FRMD6: variants seen among roughly 807,000 people sequenced by gnomAD.
FRMD6 encodes FERM domain containing 6, also known as FERM domain-containing protein 6.
A neutral mutation model predicts 73.2 loss-of-function variants in FRMD6; 37 were observed. That is an observed-to-expected ratio of 0.51 (90% CI 0.39 to 0.66). The LOEUF (loss-of-function observed/expected upper bound fraction) is 0.66. Among genes scored for constraint, FRMD6 ranks in the 30% least tolerant of loss-of-function variants. FRMD6 has a pLI of 0.00. For synonymous variants in FRMD6, 273 were observed against 282.2 expected (o/e 0.97, Z 0.33); for missense variants, 714 against 780.5 (o/e 0.91, Z 1.02).
chr14:51,491,090 T>G (rs1177170403), intron 1 of FRMD6, among the ~76,000 whole-genome samples: 1 of 152,170 alleles, frequency 6.6e-6, no homozygotes, highest in Non-Finnish European at 1.5e-5. Context: ...CCCTTCCCCT[T>G]TGGAAGACTC....
intron 1 of FRMD6, among the ~76,000 whole-genome samples, chr14:51,524,413 C>A (rs529510259): frequency 6.6e-6 from 1 of 151,868 alleles, no homozygotes; most frequent in East Asian, 1.9e-4. Flanking sequence ...TATGCATGAC[C>A]TTAGTAGGTG....
chr14:51,489,378 A>T (rs954616066), exon 1 of FRMD6: 1 of 152,650 alleles, frequency 6.6e-6, no homozygotes, highest in African/African-American at 2.4e-5. Context: ...AGTCTGCCCC[A>T]TTCTGAGAGC....
intron 1 of FRMD6, among the ~76,000 whole-genome samples, chr14:51,541,830 C>CCTGGAGTTG (rs1478364613): frequency 6.6e-6 from 1 of 151,922 alleles, no homozygotes; most frequent in Non-Finnish European, 1.5e-5. Context: ...GTAACTAGGC[C>CCTGGAGTTG]CTGGAGTTGT....
upstream of FRMD6, chr14:51,651,644 A>G (rs1238099031): frequency 6.7e-6 from 1 of 148,892 alleles, no homozygotes; most frequent in Non-Finnish European, 1.5e-5. Context: ...GGGGTGGCGT[A>G]CTCCGCTTTC....
intron 5 of FRMD6, chr14:51,704,525 T>C (rs1453811237): frequency 2.1e-6 from 1 of 478,262 alleles, no homozygotes; most frequent in African/African-American, 1.9e-5. Context: ...GGAAACGTTA[T>C]TTTTATTGTC....
chr14:51,569,917 G>A (rs538387336), intron 1 of FRMD6, among the ~76,000 whole-genome samples: 11 of 151,866 alleles, frequency 7.2e-5, no homozygotes, highest in Admixed American at 4.6e-4. Flanking sequence ...CTGGGTTCAC[G>A]CCATTCTCCT....
intron 1 of FRMD6, among the ~76,000 whole-genome samples, chr14:51,505,578 A>G (rs190627027): frequency 3.8e-4 from 58 of 152,286 alleles, no homozygotes; most frequent in African/African-American, 8.4e-4. Context: ...TGACTCCTAC[A>G]TCTGTATTCA....
intron 1 of FRMD6, among the ~76,000 whole-genome samples, chr14:51,540,401 G>A (rs1444393861): frequency 6.6e-6 from 1 of 152,094 alleles, no homozygotes; most frequent in Non-Finnish European, 1.5e-5. Flanking sequence ...ATGGGGTTTT[G>A]CTTCAGGTGT....
At chr14:51,690,500 C>T (rs1895476343) in intron 2 of FRMD6, among the ~76,000 whole-genome samples, 1 of 152,278 alleles carries the variant, frequency 6.6e-6, no homozygotes, top group South Asian at 2.1e-4. Flanking sequence ...ATTCTCCTGC[C>T]TCAGCCTGCC....
At chr14:51,419,715 C>A in the FRMD6 span, among the ~76,000 whole-genome samples, 1 of 152,202 alleles carries the variant, frequency 6.6e-6, no homozygotes, top group African/African-American at 2.4e-5. Flanking sequence ...CAGACACTGT[C>A]TAGCCATCTC....
intron 1 of FRMD6, among the ~76,000 whole-genome samples, chr14:51,534,803 G>C (rs1885786943): frequency 6.6e-6 from 1 of 152,194 alleles, no homozygotes; most frequent in Non-Finnish European, 1.5e-5. Context: ...GACCCCAAAG[G>C]TTATGCTTTC....
chr14:51,608,504 C>G (rs906223989), intron 2 of FRMD6, among the ~76,000 whole-genome samples: 3 of 152,088 alleles, frequency 2.0e-5, no homozygotes, highest in Admixed American at 2.0e-4. Context: ...AAGATGAAAT[C>G]CTGAGTGACC....
chr14:51,583,019 T>C (rs1596652902), intron 2 of FRMD6, among the ~76,000 whole-genome samples: 1 of 152,334 alleles, frequency 6.6e-6, no homozygotes, highest in African/African-American at 2.4e-5. Context: ...CTCAACATGG[T>C]GGCACTCATA....
intron 1 of FRMD6, among the ~76,000 whole-genome samples, chr14:51,539,681 G>C (rs1477593901): frequency 6.6e-6 from 1 of 152,174 alleles, no homozygotes; most frequent in Non-Finnish European, 1.5e-5. Context: ...TATGTAGCCA[G>C]TAACGTGGTT....
intron 1 of FRMD6, among the ~76,000 whole-genome samples, chr14:51,548,557 T>C (rs1399690846): frequency 6.6e-6 from 1 of 152,228 alleles, no homozygotes; most frequent in Non-Finnish European, 1.5e-5. Flanking sequence ...TCTGAAGCAA[T>C]ATTTTGTCTT....
intron 2 of FRMD6, among the ~76,000 whole-genome samples, chr14:51,645,032 T>C (rs552686365): frequency 6.6e-6 from 1 of 152,348 alleles, no homozygotes; most frequent in African/African-American, 2.4e-5. Flanking sequence ...TAATTAGCAG[T>C]GTTCTTTCCT....
chr14:51,594,762 C>T (rs1235694279), intron 2 of FRMD6, among the ~76,000 whole-genome samples: 1 of 152,194 alleles, frequency 6.6e-6, no homozygotes, highest in Admixed American at 6.5e-5. Context: ...CACACCCGGC[C>T]ATGAGTACAT....
the FRMD6 span, among the ~76,000 whole-genome samples, chr14:51,421,355 A>C: frequency 6.6e-6 from 1 of 152,204 alleles, no homozygotes; most frequent in Admixed American, 6.5e-5. Context: ...GATTTTGAGA[A>C]GTTAAAGCCC....
chr14:51,723,940 A>G (rs1168591531), intron 12 of FRMD6, among the ~76,000 whole-genome samples: 1 of 151,376 alleles, frequency 6.6e-6, no homozygotes, highest in Non-Finnish European at 1.5e-5. Context: ...AAACAAGAAT[A>G]TTTATTTGTG....
Sources: allele counts gnomAD v4.1 joint callset (sites outside exome capture counted in the v4.1 genomes callset), GRCh38; gene constraint gnomAD v4.1.1; transcripts MANE v1.5; gene names NCBI Gene and HGNC (gene_info 2026-07-23, HGNC 2026-07-21).